The following SH3GL3 variants were observed in gnomAD, a reference collection of about 807,000 sequenced individuals.
The protein encoded by SH3GL3 is SH3 domain containing GRB2 like 3, endophilin A3.
In SH3GL3, 33 loss-of-function variants were observed where a neutral mutation model predicts 47.7. That is an observed-to-expected ratio of 0.69 (90% confidence interval 0.52 to 0.92). SH3GL3 has a LOEUF of 0.92. Ranked by LOEUF, SH3GL3 falls within the 40% of genes least tolerant of loss-of-function variation. The pLI, the probability that SH3GL3 is intolerant of heterozygous loss-of-function variation, is 0.00. For missense variants in SH3GL3, 363 were observed against 417.8 expected, an observed-to-expected ratio of 0.87 and a Z score of 1.14; for synonymous variants, 155 against 148.8, an observed-to-expected ratio of 1.04 and a Z score of -0.30.
intron 1 of SH3GL3, among the ~76,000 whole-genome samples, chr15:83,467,901 C>T (rs1006782766): frequency 5.3e-5 from 8 of 152,284 alleles, no homozygotes; most frequent in African/African-American, 1.9e-4. Context: ...AATCTTGGCT[C>T]ACTGCAAGCT....
At chr15:83,572,376 A>G (rs1442821363) in intron 4 of SH3GL3, among the ~76,000 whole-genome samples, 189 bp from the exon 5 acceptor site, 1 of 152,192 alleles carries the variant, frequency 6.6e-6, no homozygotes, top group Non-Finnish European at 1.5e-5. Flanking sequence ...CAGACCATAG[A>G]GAGGAAAATA....
intron 8 of SH3GL3, among the ~76,000 whole-genome samples, chr15:83,597,712 C>T (rs538977876): frequency 1.3e-5 from 2 of 151,908 alleles, no homozygotes; most frequent in African/African-American, 2.4e-5. Context: ...CAGGTTCAAG[C>T]GATTCTCCTG....
intron 4 of SH3GL3, among the ~76,000 whole-genome samples, chr15:83,568,981 C>T (rs1000333135): frequency 4.0e-5 from 6 of 151,428 alleles, no homozygotes; most frequent in African/African-American, 1.5e-4. Context: ...ACTGCAGCCT[C>T]CACCTCCCAG....
At chr15:83,462,947 T>G (rs7172728) in intron 1 of SH3GL3, among the ~76,000 whole-genome samples, 5,785 of 152,222 alleles carry the variant, frequency 0.038, 340 homozygotes, top group African/African-American at 0.13. Flanking sequence ...CCCAGGGATA[T>G]TCAAAACCTG....
intron 1 of SH3GL3, among the ~76,000 whole-genome samples, chr15:83,530,153 T>G (rs2043602991): frequency 6.6e-6 from 1 of 152,156 alleles, no homozygotes; most frequent in South Asian, 2.1e-4. Context: ...TGGTTGAGGT[T>G]AGGCACTCAG....
chr15:83,551,393 G>C (rs1022453676), intron 1 of SH3GL3, among the ~76,000 whole-genome samples: 2 of 152,164 alleles, frequency 1.3e-5, no homozygotes, highest in Non-Finnish European at 2.9e-5. Context: ...GGTCAGGTGC[G>C]ATATTTGTGA....
At chr15:83,548,230 TTTTAAGCTGTGAATATTCA>T (rs1417486415) in intron 1 of SH3GL3, among the ~76,000 whole-genome samples, 3 of 151,798 alleles carry the variant, frequency 2.0e-5, no homozygotes, top group African/African-American at 4.8e-5. Context: ...ATTACTTTTA[TTTTAAGCTGTGAATATTCA>T]TTTAGATTTA....
At chr15:83,490,858 A>C in intron 1 of SH3GL3, 1 of 1,614,202 alleles carries the variant, frequency 6.2e-7, no homozygotes, top group Non-Finnish European at 8.5e-7. Flanking sequence ...TGCTGGGATA[A>C]TATGCAATCA....
At chr15:83,483,824 A>C (rs948828051) in intron 1 of SH3GL3, among the ~76,000 whole-genome samples, 4 of 152,184 alleles carry the variant, frequency 2.6e-5, no homozygotes, top group African/African-American at 9.7e-5. Flanking sequence ...AGATCAATCC[A>C]TCCTTGCCTT....
At chr15:83,474,713 A>T (rs2041014443) in intron 1 of SH3GL3, among the ~76,000 whole-genome samples, 1 of 152,130 alleles carries the variant, frequency 6.6e-6, no homozygotes, top group Non-Finnish European at 1.5e-5. Context: ...TGTAAACCTT[A>T]TTGGGAGGCA....
At chr15:83,491,767 C>T (rs2041882696) in intron 1 of SH3GL3, among the ~76,000 whole-genome samples, 1 of 152,136 alleles carries the variant, frequency 6.6e-6, no homozygotes, top group Non-Finnish European at 1.5e-5. Context: ...TTGTGTTTGT[C>T]CAGCTTCCAT....
chr15:83,601,350 T>C (rs2060373151), intron 8 of SH3GL3, among the ~76,000 whole-genome samples: 1 of 152,226 alleles, frequency 6.6e-6, no homozygotes, highest in Non-Finnish European at 1.5e-5. Flanking sequence ...AGATGGTTTT[T>C]ATTACATTGA....
At chr15:83,560,179 C>G (rs1447281550) in intron 2 of SH3GL3, among the ~76,000 whole-genome samples, 1 of 152,198 alleles carries the variant, frequency 6.6e-6, no homozygotes, top group African/African-American at 2.4e-5. Context: ...GGTGTAACAT[C>G]AAGGCTGCAG....
At chr15:83,630,775 T>A in the SH3GL3 span, among the ~76,000 whole-genome samples, 393 of 152,264 alleles carry the variant, frequency 2.6e-3, 2 homozygotes, top group Non-Finnish European at 3.2e-3. Context: ...CAATTCAAGA[T>A]GAGATTTGGG....
intron 1 of SH3GL3, among the ~76,000 whole-genome samples, chr15:83,471,543 T>C (rs2040827972): frequency 6.6e-6 from 1 of 152,242 alleles, no homozygotes; most frequent in Admixed American, 6.5e-5. Flanking sequence ...CAGGCTTTAA[T>C]AAAGCAGATG....
At chr15:83,586,524 C>A (rs1218699329) in intron 6 of SH3GL3, among the ~76,000 whole-genome samples, 1 of 152,196 alleles carries the variant, frequency 6.6e-6, no homozygotes, top group Non-Finnish European at 1.5e-5. Flanking sequence ...TTATCTGTTT[C>A]ATTTACAGTT....
intron 6 of SH3GL3, among the ~76,000 whole-genome samples, chr15:83,585,640 G>T (rs912703550): frequency 1.3e-5 from 2 of 152,156 alleles, no homozygotes; most frequent in Non-Finnish European, 2.9e-5. Flanking sequence ...TGAAATTTAA[G>T]AAATCCTTAG....
chr15:83,617,954 A>T, intron 8 of SH3GL3, 128 bp from the exon 9 acceptor site: 1 of 666,338 alleles, frequency 1.5e-6, no homozygotes, highest in South Asian at 1.8e-5. Context: ...AGCTGGGTGG[A>T]GCTGGCCTTG....
intron 1 of SH3GL3, among the ~76,000 whole-genome samples, chr15:83,496,670 G>A (rs542651639): frequency 1.3e-5 from 2 of 152,252 alleles, no homozygotes; most frequent in Admixed American, 6.5e-5. Context: ...GCAGGGGAGT[G>A]GTAAGGGCAG....
Sources: allele counts gnomAD v4.1 joint callset (sites outside exome capture counted in the v4.1 genomes callset), GRCh38; gene constraint gnomAD v4.1.1; transcripts MANE v1.5; gene names NCBI Gene and HGNC (gene_info 2026-07-23, HGNC 2026-07-21).